The following CMIP variants were observed in gnomAD, a reference collection of about 807,000 sequenced individuals.
CMIP encodes the protein C-Maf-inducing protein.
Under a neutral mutation model 97.3 loss-of-function variants are expected in CMIP, and 13 were observed. That is an observed-to-expected ratio of 0.13 (90% CI 0.09 to 0.21). The LOEUF (loss-of-function observed/expected upper bound fraction) is 0.21. Among genes scored for constraint, CMIP ranks in the 10% least tolerant of loss-of-function variants. The pLI, the probability that CMIP is intolerant of heterozygous loss-of-function variation, is 1.00. For missense variants in CMIP, 847 were observed against 1,024.9 expected (o/e 0.83, Z 2.37); for synonymous variants, 538 against 436.3 (o/e 1.23, Z -2.91).
chr16:81,704,031 C>A lies in CMIP; in HGVS notation c.2037C>A (p.Ala679=). 6.2e-7 allele frequency: 1 copy of A among 1,605,826 alleles called. No individual in the cohort carries two copies. The highest frequency in any genetic ancestry group is 1.3e-5 in the African/African-American group (1 of 74,688). The stretch of plus-strand genomic sequence containing the variant: ...TCACCAATGTAACCAGTGCCTGCGC[C>A]GAGCACCTCATCAAACTGCCTTCGC... ...LAFTNVTSAC[A]EHLIKLPSLK... The change falls in exon 18 of 21, where the codon GCC becomes GCA. Residue 679 remains alanine (A), a synonymous_variant. Transcript: ENST00000537098.
At chr16:81,674,132 A>T (rs570582873) in intron 9 of CMIP, among the ~76,000 whole-genome samples, 135 of 152,268 alleles carry the variant, frequency 8.9e-4, no homozygotes, top group African/African-American at 3.0e-3. Flanking sequence ...AAAGGGGATC[A>T]TGTCCCACCT....
At chr16:81,471,429 C>G (rs1164603966) in intron 1 of CMIP, among the ~76,000 whole-genome samples, 3 of 152,158 alleles carry the variant, frequency 2.0e-5, no homozygotes, top group African/African-American at 7.2e-5. Context: ...CATGTACATG[C>G]ACATACATTT....
At chr16:81,693,535 G>A in intron 13 of CMIP, 48 bp downstream of exon 13, 2 of 1,580,416 alleles carry the variant, frequency 1.3e-6, no homozygotes, top group Admixed American at 1.8e-5. Context: ...GGGGATGGCA[G>A]GATGCACGAG....
chr16:81,597,193 C>T (rs1054248336), intron 1 of CMIP, among the ~76,000 whole-genome samples: 26 of 152,176 alleles, frequency 1.7e-4, no homozygotes, highest in Admixed American at 6.5e-4. Context: ...TCATGTTCAG[C>T]TTCAGCAGAG....
chr16:81,498,503 C>A (rs1206820680), intron 1 of CMIP, among the ~76,000 whole-genome samples: 1 of 152,338 alleles, frequency 6.6e-6, no homozygotes, highest in Non-Finnish European at 1.5e-5. Flanking sequence ...CCTGCTTTCT[C>A]ACGGGGGTTA....
intron 10 of CMIP, among the ~76,000 whole-genome samples, chr16:81,680,693 G>T (rs1172002333): frequency 6.6e-6 from 1 of 152,220 alleles, no homozygotes; most frequent in Admixed American, 6.5e-5. Flanking sequence ...GTGTCTTCAA[G>T]GCAGAGAAGG....
At chr16:81,533,702 C>G (rs191400578) in intron 1 of CMIP, among the ~76,000 whole-genome samples, 85 of 152,282 alleles carry the variant, frequency 5.6e-4, no homozygotes, top group African/African-American at 1.6e-3. Flanking sequence ...TGGTCACAAA[C>G]TCCTGAGCTC....
chr16:81,494,721 G>A (rs2089460045), intron 1 of CMIP, among the ~76,000 whole-genome samples: 1 of 152,226 alleles, frequency 6.6e-6, no homozygotes, highest in African/African-American at 2.4e-5. Flanking sequence ...CAAAGCCTGT[G>A]CTCTTTCGAC....
intron 1 of CMIP, among the ~76,000 whole-genome samples, chr16:81,472,169 C>A (rs1294657455): frequency 1.3e-5 from 2 of 152,236 alleles, no homozygotes; most frequent in African/African-American, 4.8e-5. Flanking sequence ...TGAAATCTCA[C>A]TTATTGCATT....
At chr16:81,557,473 A>C (rs533275033) in intron 1 of CMIP, among the ~76,000 whole-genome samples, 2 of 152,216 alleles carry the variant, frequency 1.3e-5, no homozygotes, top group Non-Finnish European at 2.9e-5. Flanking sequence ...TTACATATTT[A>C]TGGAGTATAA....
chr16:81,465,325 CAT>C (rs1485405260), intron 1 of CMIP, among the ~76,000 whole-genome samples: 2 of 152,168 alleles, frequency 1.3e-5, no homozygotes, highest in African/African-American at 2.4e-5. Flanking sequence ...CATTTAGAAA[CAT>C]ATATAAACCA....
intron 1 of CMIP, among the ~76,000 whole-genome samples, chr16:81,475,051 G>A (rs934321612): frequency 1.3e-5 from 2 of 152,184 alleles, no homozygotes; most frequent in African/African-American, 2.4e-5. Context: ...CTTCATGAAT[G>A]GAGCTGCTGT....
chr16:81,651,328 C>A, intron 3 of CMIP: 1 of 600,418 alleles, frequency 1.7e-6, no homozygotes, highest in Non-Finnish European at 2.1e-6. Context: ...CCTCCGTTTC[C>A]ATGATGTCAG....
intron 1 of CMIP, among the ~76,000 whole-genome samples, chr16:81,496,141 T>G (rs1032155585): frequency 1.3e-5 from 2 of 152,214 alleles, no homozygotes; most frequent in Non-Finnish European, 2.9e-5. Context: ...ATAATGGGAC[T>G]GGTCTCCAAG....
chr16:81,599,016 C>T (rs1237386420), intron 1 of CMIP, among the ~76,000 whole-genome samples: 1 of 148,302 alleles, frequency 6.7e-6, no homozygotes, highest in Non-Finnish European at 1.5e-5. Flanking sequence ...GAGGGCCTGG[C>T]ATGGGGGAAG....
chr16:81,527,416 G>A (rs1055755806), intron 1 of CMIP, among the ~76,000 whole-genome samples: 1 of 152,090 alleles, frequency 6.6e-6, no homozygotes, highest in African/African-American at 2.4e-5. Flanking sequence ...CTAGGTGGTG[G>A]GTGTAAGGGT....
At chr16:81,480,432 C>A (rs541101334) in intron 1 of CMIP, among the ~76,000 whole-genome samples, 1 of 152,198 alleles carries the variant, frequency 6.6e-6, no homozygotes, top group Non-Finnish European at 1.5e-5. Context: ...CCTAGCTACT[C>A]AGGAGGCTGA....
At chr16:81,615,011 GTC>G (rs986863379) in intron 2 of CMIP, among the ~76,000 whole-genome samples, 12 of 142,394 alleles carry the variant, frequency 8.4e-5, no homozygotes, top group African/African-American at 2.9e-4. Context: ...TATATGTGAT[GTC>G]TCTGTGTGTA....
chr16:81,553,422 G>T (rs1178062207), intron 1 of CMIP, among the ~76,000 whole-genome samples: 3 of 152,224 alleles, frequency 2.0e-5, no homozygotes, highest in Non-Finnish European at 4.4e-5. Flanking sequence ...TGGGGGAAGC[G>T]CTGGCCTCAG....
Sources: gnomAD v4.1 joint callset for allele counts (sites outside exome capture counted in the v4.1 genomes callset) on GRCh38, gnomAD v4.1.1 for gene constraint, MANE v1.5 for transcripts, NCBI Gene and HGNC (gene_info 2026-07-23, HGNC 2026-07-21) for gene names.